PDHB: variants seen among roughly 807,000 people sequenced by gnomAD.
PDHB encodes the protein pyruvate dehydrogenase E1 subunit beta, also known as pyruvate dehydrogenase E1 component subunit beta, mitochondrial.
A neutral mutation model predicts 42.8 loss-of-function variants in PDHB; 17 were observed. That is an observed-to-expected ratio of 0.40 (90% CI 0.27 to 0.60). The LOEUF is 0.60. Ranked by LOEUF, PDHB falls within the 20% of genes least tolerant of loss-of-function variation. The probability of loss-of-function intolerance (pLI) is 0.46; values close to 1 mark genes in which losing one functional copy is unlikely to be tolerated. For missense variants in PDHB, 322 were observed against 451.3 expected (o/e 0.71, Z 2.60); for synonymous variants, 154 against 148.7 (o/e 1.04, Z -0.26).
intron 2 of PDHB, chr3:58,433,412 T>C: frequency 1.7e-6 from 1 of 603,924 alleles, no homozygotes; most frequent in South Asian, 2.0e-5. Context: ...CTAGTCTTAG[T>C]TTTCCCCCAT....
rs377559288 is a variant in PDHB, at chr3:58,433,585, G to T, written c.96+46C>A. On this transcript the variant is annotated intron_variant, in intron 2 of 9. Transcript: ENST00000302746. The stretch of plus-strand genomic sequence containing the variant: ...ACTCCGGCCTCCTTCCCGAGAGAAG[G>T]GGGGACCCTCCCCGCCCTCGTCCGA... 3.2e-6 allele frequency: 5 copies of T among 1,576,738 alleles called. No homozygotes were observed. In the South Asian group the frequency reaches 3.5e-5, roughly 11 times the overall value.
Position 58,431,522 on chromosome 3 carries a change from C to T in PDHB, c.303+71G>A. On this transcript the variant is annotated intron_variant, in intron 5 of 9. Coordinates refer to ENST00000302746, the MANE Select transcript of PDHB (RefSeq NM_000925.4). This position sits in a 1 kb window ranked among gnomAD's most constrained non-coding sequence, Gnocchi z 4.4. ...CTCCAGGCTGGACAACAGAGTGAGA[C>T]TCTGTCTCAAAAGAAAAAAAAAGAA... The T allele has an allele frequency of 8.0e-7, 1 of 1,247,902 alleles. No individual in the cohort carries two copies. The highest frequency in any genetic ancestry group is 1.2e-5 in the South Asian group (1 of 82,904). 77.3% of individuals were successfully genotyped at this position (1,247,902 alleles called of 1,614,324 possible).
At position 58,428,168 on chromosome 3, in the gene PDHB, T is replaced by C; in HGVS notation, c.946A>G (p.Asn316Asp). ...CGAACAGCAGGAGCATCCAGGAAAT[T>C]GAACGCAGGACCTAGGAGAAGGAAG... ...CARIMEGPAF[N>D]FLDAPAVRVT... Residue 316 changes from asparagine to aspartate, a missense_variant, in exon 10 of 10, where the codon AAT becomes GAT. Transcript: ENST00000302746. 1.2e-6 allele frequency: 2 copies of C among 1,614,052 alleles called. No homozygotes were observed. The highest frequency in any genetic ancestry group is 8.5e-7 in the Non-Finnish European group (1 of 1,179,942).
At chr3:58,428,298 G>A (rs2062890865) in intron 9 of PDHB, 119 bp from the exon 10 acceptor site, 12 of 1,205,554 alleles carry the variant, frequency 1.0e-5, no homozygotes, top group South Asian at 1.2e-5. Flanking sequence ...ATGGGGAACC[G>A]CTTTCTGGAT....
At chr3:58,432,502 C>T (rs1382569965) in intron 2 of PDHB, 1 of 173,030 alleles carries the variant, frequency 5.8e-6, no homozygotes, top group Non-Finnish European at 1.2e-5. Context: ...TTCGAGACCA[C>T]CCTGGCCAAC....
chr3:58,431,535 G>GAA lies in PDHB; in HGVS notation c.303+56_303+57dup. On this transcript the variant is annotated intron_variant, in intron 5 of 9. Coordinates refer to ENST00000302746, the MANE Select transcript of PDHB (RefSeq NM_000925.4). This position sits in a 1 kb window ranked among gnomAD's most constrained non-coding sequence, Gnocchi z 4.4. The stretch of plus-strand genomic sequence containing the variant: ...AACAGAGTGAGACTCTGTCTCAAAA[G>GAA]AAAAAAAAAGAAAACAAGAAATGTC... 1 of 1,368,882 alleles carries GAA rather than the reference G, an allele frequency of 7.3e-7. No homozygotes were observed. The highest frequency in any genetic ancestry group is 1.0e-6 in the Non-Finnish European group (1 of 963,730). The allele number at this position is 1,368,882 out of a possible 1,614,324, so 84.8% of individuals were successfully genotyped here. A position where few individuals can be genotyped will look rare whatever the true frequency, so the allele number is the denominator to read the frequency against.
chr3:58,433,631 C>T lies in PDHB; in HGVS notation c.96G>A (p.Gln32=). ...RFHWTAPAAL[Q]VTVRDAINQG... ...TCCGACGAGCACCCGCGCCTGTTAC[C>T]TGCAGCGCAGCCGGCGCGGTCCAGT... Residue 32 remains glutamine (Q), a splice_region_variant and synonymous_variant, in exon 2 of 10, where the codon CAG becomes CAA. Transcript: ENST00000302746. The T allele has an allele frequency of 6.2e-7, 1 of 1,610,338 alleles. No individual in the cohort carries two copies. The highest frequency in any genetic ancestry group is 8.5e-7 in the Non-Finnish European group (1 of 1,179,018).
chr3:58,428,341 G>T, intron 9 of PDHB, 132 bp downstream of exon 9: 2 of 1,249,274 alleles, frequency 1.6e-6, no homozygotes, highest in Non-Finnish European at 2.3e-6. Context: ...GAAGAGAAAT[G>T]CCAAACTTAC....
intron 8 of PDHB, chr3:58,428,836 G>T: frequency 3.6e-6 from 2 of 563,200 alleles, no homozygotes; most frequent in Non-Finnish European, 6.3e-6. Flanking sequence ...GCAGTTATAG[G>T]ATTCATTTAT....
Position 58,427,905 on chromosome 3 carries a change from A to G in PDHB, c.*129T>C. The G allele has an allele frequency of 2.7e-6, 2 of 748,972 alleles. No individual in the cohort carries two copies. Among genetic ancestry groups the G allele is most frequent in the Non-Finnish European group, 2.3e-6 (1 of 430,108 alleles). 46.4% of individuals were successfully genotyped at this position (748,972 alleles called of 1,614,324 possible). A position where few individuals can be genotyped will look rare whatever the true frequency, so the allele number is the denominator to read the frequency against. ...CACAAACACATTTAAACTTCCCTGT[A>G]CAAAAATACCTGCTGTTGCTTTAGA... On this transcript the variant is annotated 3_prime_UTR_variant, in exon 10 of 10. Transcript: ENST00000302746.
rs200879699 is a variant in PDHB at position 58,431,878 on chromosome 3, T to C, written c.203A>G (p.Lys68Arg). 3.1e-6 allele frequency: 5 copies of C among 1,610,288 alleles called. No homozygotes were observed. In the African/African-American group the frequency reaches 6.7e-5, roughly 21 times the overall value. Residue 68 changes from lysine to arginine, a missense_variant and splice_region_variant, in exon 3 of 10, where the codon AAG becomes AGG. Coordinates refer to ENST00000302746, the MANE Select transcript of PDHB (RefSeq NM_000925.4). The surrounding 1 kb of genome is among the most constrained non-coding windows in gnomAD (Gnocchi z 4.4). ...ATAACTTTCATATATTTTAGTTACC[T>C]TGTATGCCCCATCATACTGGGCAAC... ...EEVAQYDGAY[K>R]VSRGLWKKYG...
chr3:58,429,610 A>C, intron 8 of PDHB, 98 bp downstream of exon 8: 1 of 819,082 alleles, frequency 1.2e-6, no homozygotes, highest in Admixed American at 1.7e-5. Flanking sequence ...TGACAAAGCA[A>C]GGTTTTACAT....
At chr3:58,432,245 T>TA (rs2062926803) in intron 2 of PDHB, 1 of 484,936 alleles carries the variant, frequency 2.1e-6, no homozygotes, top group Admixed American at 3.4e-5. Context: ...GTTGCTCTTT[T>TA]AATATAATGA....
intron 9 of PDHB, 97 bp downstream of exon 9, chr3:58,428,376 C>G (rs758123959): frequency 7.1e-7 from 1 of 1,405,036 alleles, no homozygotes; most frequent in Non-Finnish European, 1.0e-6. Context: ...AGTCGTTTGG[C>G]CACTCCTAGC....
intron 9 of PDHB, 124 bp downstream of exon 9, chr3:58,428,349 T>TA (rs1433404060): frequency 1.6e-6 from 2 of 1,288,844 alleles, no homozygotes; most frequent in Non-Finnish European, 1.1e-6. Flanking sequence ...ATGCCAAACT[T>TA]ACAAGTTTAA....
At chr3:58,429,990 C>T (rs1000884749) in intron 7 of PDHB, 138 bp downstream of exon 7, 1 of 737,942 alleles carries the variant, frequency 1.4e-6, no homozygotes, top group Admixed American at 2.0e-5. Context: ...AAAAGCACAA[C>T]TGAATGAGAA....
Position 58,428,533 on chromosome 3 carries a change from C to T in PDHB, c.874G>A (p.Val292Met). The change falls in exon 9 of 10, where the codon GTG becomes ATG. Residue 292 changes from valine (V) to methionine (M), a missense_variant. By Grantham distance (21) the Val-to-Met change is conservative. Transcript: ENST00000302746. The stretch of plus-strand genomic sequence containing the variant: ...CCAAACTGTGGCCAGCCTCCTTCCA[C>T]AGTTACAAGATGATTTGTCTTCATG... ...SVMKTNHLVT[V>M]EGGWPQFGVG... 2 of 1,614,116 alleles carry T rather than the reference C, an allele frequency of 1.2e-6. No homozygotes were observed. The highest frequency in any genetic ancestry group is 1.7e-6 in the Non-Finnish European group (2 of 1,179,946).
At chr3:58,428,747 T>TA (rs1486114480) in intron 8 of PDHB, 133 bp from the exon 9 acceptor site, 2 of 770,126 alleles carry the variant, frequency 2.6e-6, no homozygotes, top group African/African-American at 1.7e-5. Context: ...TATGAATACC[T>TA]ATTCATGAAT....
chr3:58,429,144 TG>T (rs2062898800), intron 8 of PDHB, among the ~76,000 whole-genome samples: 1 of 152,198 alleles, frequency 6.6e-6, no homozygotes, highest in African/African-American at 2.4e-5. Flanking sequence ...CTCATCAAAA[TG>T]AGTTAACAGT....
Sources: allele counts gnomAD v4.1 joint callset (sites outside exome capture counted in the v4.1 genomes callset), GRCh38; gene constraint gnomAD v4.1.1; non-coding constraint Gnocchi (gnomAD v3.1); transcripts MANE v1.5; gene names NCBI Gene and HGNC (gene_info 2026-07-23, HGNC 2026-07-21).